PLCXD3: variants seen among roughly 807,000 people sequenced by gnomAD.
PLCXD3 encodes PI-PLC X domain-containing protein 3.
PLCXD3 carries 19 observed loss-of-function variants against 25.5 expected under a neutral mutation model. The ratio of observed to expected loss-of-function variants is 0.75; its 90% CI spans 0.52 to 1.09. The LOEUF (loss-of-function observed/expected upper bound fraction) is 1.09. Ranked by LOEUF, PLCXD3 falls within the 50% of genes least tolerant of loss-of-function variation. The probability of loss-of-function intolerance (pLI) is 0.00; values close to 1 mark genes in which losing one functional copy is unlikely to be tolerated. For missense variants in PLCXD3, 411 were observed against 388.1 expected, an observed-to-expected ratio of 1.06 and a Z score of -0.50; for synonymous variants, 174 against 137.6, an observed-to-expected ratio of 1.26 and a Z score of -1.85.
intron 1 of PLCXD3, among the ~76,000 whole-genome samples, chr5:41,483,030 T>G (rs888435881): frequency 2.0e-5 from 3 of 152,228 alleles, no homozygotes; most frequent in Non-Finnish European, 1.5e-5. Context: ...CAGTATTTGT[T>G]TTTTGTGACT....
chr5:41,397,794 C>T lies in PLCXD3; in HGVS notation c.104-15260G>A, dbSNP rs571116716. On this transcript the variant is annotated intron_variant, in intron 1 of 2. Transcript: ENST00000377801. Reference sequence around the variant, plus strand: ...TGGGAGCCCATCCTTTGCATCAGTGCGGCCTGAATGTGACACATAGAGTCA... The same window carrying T: ...TGGGAGCCCATCCTTTGCATCAGTGTGGCCTGAATGTGACACATAGAGTCA... 1.4e-4 allele frequency among the ~76,000 whole-genome samples: 21 copies of T among 152,262 alleles called. No homozygotes were observed. In the South Asian group the frequency reaches 2.9e-3, roughly 21 times the overall value.
At chr5:41,356,222 C>T (rs552389119) in intron 2 of PLCXD3, among the ~76,000 whole-genome samples, 22 of 152,194 alleles carry the variant, frequency 1.4e-4, no homozygotes, top group Non-Finnish European at 2.6e-4. Flanking sequence ...GCTGAGATTG[C>T]GCCACTGCAC....
chr5:41,456,661 GA>G (rs1388351325), intron 1 of PLCXD3: 1 of 317,528 alleles, frequency 3.1e-6, no homozygotes, highest in Non-Finnish European at 4.5e-6. Context: ...TTTGGAAGAT[GA>G]TTAGGTCCTG....
At chr5:41,504,265 G>GT (rs1159338140) in intron 1 of PLCXD3, among the ~76,000 whole-genome samples, 1 of 152,142 alleles carries the variant, frequency 6.6e-6, no homozygotes, top group African/African-American at 2.4e-5. Context: ...TGAAAAAGAA[G>GT]TTTTTTTAAG....
At position 41,309,150 on chromosome 5, in the gene PLCXD3, T is replaced by G. The variant is rs1377322374; in HGVS notation, c.*4467A>C. On this transcript the variant is annotated 3_prime_UTR_variant, in exon 3 of 3. Coordinates refer to ENST00000377801, the MANE Select transcript of PLCXD3 (RefSeq NM_001005473.3). Reference sequence around the variant, plus strand: ...CATACCACATACAAGCACATACTTTTGACTCATACAAATATACGTTTAAAA... The same window carrying G: ...CATACCACATACAAGCACATACTTTGGACTCATACAAATATACGTTTAAAA... 1 of 152,566 alleles carries G rather than the reference T, an allele frequency of 6.6e-6. No homozygotes were observed. The allele number at this position is 152,566 out of a possible 1,614,324, so 9.5% of individuals were successfully genotyped here. A position where few individuals can be genotyped will look rare whatever the true frequency, so the allele number is the denominator to read the frequency against.
Position 41,308,873 on chromosome 5 carries a change from G to A in PLCXD3, c.*4744C>T, listed in dbSNP as rs914222476. On this transcript the variant is annotated 3_prime_UTR_variant, in exon 3 of 3. Coordinates refer to ENST00000377801, the MANE Select transcript of PLCXD3 (RefSeq NM_001005473.3). ...GAAGTTAATATATGAATTGATGTTT[G>A]ATTATTACGAAAAGCAATGGGGTAC... The A allele has an allele frequency of 1.1e-4, 17 of 152,536 alleles. No individual in the cohort carries two copies. Among genetic ancestry groups the A allele is most frequent in the Non-Finnish European group, 1.8e-4 (12 of 67,982 alleles). The allele number at this position is 152,536 out of a possible 1,614,324, so 9.4% of individuals were successfully genotyped here. A position where few individuals can be genotyped will look rare whatever the true frequency, so the allele number is the denominator to read the frequency against.
intron 1 of PLCXD3, among the ~76,000 whole-genome samples, chr5:41,388,588 A>G (rs1745712424): frequency 6.6e-6 from 1 of 152,076 alleles, no homozygotes; most frequent in Non-Finnish European, 1.5e-5. Context: ...TAATTATCCA[A>G]GCACTCCCAA....
chr5:41,319,022 G>A lies in PLCXD3; in HGVS notation c.813-5252C>T, dbSNP rs545892692. Among the ~76,000 whole-genome samples, 170 of 152,270 alleles carry A rather than the reference G, an allele frequency of 1.1e-3. 1 individual carries two copies. Among genetic ancestry groups the A allele is most frequent in the Admixed American group, 2.4e-3 (36 of 15,298 alleles). ...AAAACTGTAAGATGAGACAAATAAT[G>A]TCACTGTGCCATGATAAAGGTTTCA... On this transcript the variant is annotated intron_variant, in intron 2 of 2. Coordinates refer to ENST00000377801, the MANE Select transcript of PLCXD3 (RefSeq NM_001005473.3).
intron 2 of PLCXD3, among the ~76,000 whole-genome samples, chr5:41,325,340 C>A (rs962365936): frequency 6.6e-6 from 1 of 152,136 alleles, no homozygotes; most frequent in African/African-American, 2.4e-5. Flanking sequence ...CAGACAGTCT[C>A]AAGTAGAATT....
intron 1 of PLCXD3, among the ~76,000 whole-genome samples, chr5:41,500,036 A>C (rs1748919873): frequency 6.6e-6 from 1 of 151,826 alleles, no homozygotes; most frequent in Non-Finnish European, 1.5e-5. Flanking sequence ...TAAAAATAGA[A>C]CTTCCATTTG....
Position 41,309,186 on chromosome 5 carries a change from C to A in PLCXD3, c.*4431G>T, listed in dbSNP as rs1743067781. 6.6e-6 allele frequency: 1 copy of A among 152,478 alleles called. No homozygotes were observed. 9.4% of individuals were successfully genotyped at this position (152,478 alleles called of 1,614,324 possible). A position where few individuals can be genotyped will look rare whatever the true frequency, so the allele number is the denominator to read the frequency against. ...AATATACGTTTAAAACTATTACCTA[C>A]AAAATAGTATCACAATTGAAATAAC... On this transcript the variant is annotated 3_prime_UTR_variant, in exon 3 of 3. Transcript: ENST00000377801.
chr5:41,509,796 G>C (rs891643613), intron 1 of PLCXD3, among the ~76,000 whole-genome samples: 10 of 152,184 alleles, frequency 6.6e-5, no homozygotes, highest in Non-Finnish European at 1.3e-4. Flanking sequence ...GGTCCCCCGG[G>C]GTCCAAACCG....
intron 1 of PLCXD3, among the ~76,000 whole-genome samples, chr5:41,481,198 T>G (rs1378294396): frequency 6.6e-6 from 1 of 151,762 alleles, no homozygotes; most frequent in Non-Finnish European, 1.5e-5. Context: ...ACCTAATACT[T>G]CCTGAATATT....
rs116153982 is a variant in PLCXD3 at position 41,451,258 on chromosome 5, C to A, written c.103+59166G>T. ...TAAATTTGTCTTTTCTTTTTTGACTCCTGAAGTACAAAAGTAGAATGTTTT... is the reference window on the plus strand; with the variant it reads ...TAAATTTGTCTTTTCTTTTTTGACTACTGAAGTACAAAAGTAGAATGTTTT... On this transcript the variant is annotated intron_variant, in intron 1 of 2. Transcript: ENST00000377801. Among the ~76,000 whole-genome samples the A allele has an allele frequency of 5.4e-3, 815 of 151,974 alleles. 4 individuals are homozygous for A. The highest frequency in any genetic ancestry group is 0.018 in the African/African-American group (736 of 41,510).
At chr5:41,400,726 G>GT (rs1197951378) in intron 1 of PLCXD3, among the ~76,000 whole-genome samples, 1 of 152,110 alleles carries the variant, frequency 6.6e-6, no homozygotes. Flanking sequence ...GGTGGAGATG[G>GT]TTAATGGGTA....
rs1747350266 is a variant in PLCXD3 at position 41,440,215 on chromosome 5, A to ATTTTTGTT, written c.104-57682_104-57681insAACAAAAA. ...TCTGAGCAAATTACATAATCTCTCA[A>ATTTTTGTT]TTTTTTTTTTTTTTTTTTTTTTTTT... On this transcript the variant is annotated intron_variant, in intron 1 of 2. Coordinates refer to ENST00000377801, the MANE Select transcript of PLCXD3 (RefSeq NM_001005473.3). 9.7e-5 allele frequency among the ~76,000 whole-genome samples: 4 copies of ATTTTTGTT among 41,080 alleles called. 1 individual carries two copies. The highest frequency in any genetic ancestry group is 4.2e-4 in the African/African-American group (4 of 9,610). The allele number at this position is 41,080 out of a possible 152,430, so 27.0% of individuals were successfully genotyped here. A position where few individuals can be genotyped will look rare whatever the true frequency, so the allele number is the denominator to read the frequency against.
At chr5:41,469,617 T>C (rs545916365) in intron 1 of PLCXD3, among the ~76,000 whole-genome samples, 1 of 152,308 alleles carries the variant, frequency 6.6e-6, no homozygotes. Flanking sequence ...ATCTACTTCC[T>C]CTAGTTATCC....
At chr5:41,453,285 A>T (rs1298009835) in intron 1 of PLCXD3, among the ~76,000 whole-genome samples, 1 of 151,782 alleles carries the variant, frequency 6.6e-6, no homozygotes, top group Non-Finnish European at 1.5e-5. Flanking sequence ...TCTTATGCCA[A>T]AGAGATGATT....
intron 2 of PLCXD3, among the ~76,000 whole-genome samples, chr5:41,377,821 G>A (rs550052857): frequency 2.6e-5 from 4 of 152,036 alleles, no homozygotes; most frequent in African/African-American, 4.8e-5. Flanking sequence ...AAATTGTAGA[G>A]AAACTAGCTA....
Sources: gnomAD v4.1 joint callset for allele counts (sites outside exome capture counted in the v4.1 genomes callset) on GRCh38, gnomAD v4.1.1 for gene constraint, MANE v1.5 for transcripts, NCBI Gene and HGNC (gene_info 2026-07-23, HGNC 2026-07-21) for gene names.